Variants in KPNA6 observed in about 807,000 individuals in gnomAD.
The protein encoded by KPNA6 is importin subunit alpha-7.
KPNA6 carries 9 observed loss-of-function variants against 72.0 expected under a neutral mutation model. The ratio of observed to expected loss-of-function variants is 0.13; its 90% CI spans 0.08 to 0.22. KPNA6 has a LOEUF of 0.22. Among genes scored for constraint, KPNA6 ranks in the 10% least tolerant of loss-of-function variants. The pLI is 1.00. For missense variants in KPNA6, 374 were observed against 655.7 expected (o/e 0.57, Z 4.69); for synonymous variants, 219 against 242.1 (o/e 0.90, Z 0.89).
Position 32,172,743 on chromosome 1 carries a change from A to G in KPNA6, c.*1849A>G. 1 of 210,252 alleles carries G rather than the reference A, an allele frequency of 4.8e-6. No individual in the cohort carries two copies. The highest frequency in any genetic ancestry group is 9.4e-6 in the Non-Finnish European group (1 of 106,364). 13.0% of individuals were successfully genotyped at this position (210,252 alleles called of 1,614,324 possible). On this transcript the variant is annotated 3_prime_UTR_variant, in exon 14 of 14. Transcript: ENST00000373625. ...AGACCAGCTGTGGAGCTGAAGGCAC[A>G]GTCTGCCCCACCCCCACCTCCCCAC...
At chr1:32,170,171 A>G (rs1396586679) in intron 13 of KPNA6, 111 bp downstream of exon 13, 4 of 883,328 alleles carry the variant, frequency 4.5e-6, no homozygotes, top group Non-Finnish European at 6.9e-6. Context: ...CATAGCTTCC[A>G]TGAGACTGAT....
chr1:32,146,003 T>C (rs1481978408), intron 1 of KPNA6, among the ~76,000 whole-genome samples: 4 of 152,240 alleles, frequency 2.6e-5, no homozygotes, highest in Non-Finnish European at 5.9e-5. Flanking sequence ...CCAAAATTTA[T>C]TGAGACACTT....
chr1:32,116,687 G>A (rs1229036142), intron 1 of KPNA6, among the ~76,000 whole-genome samples: 1 of 152,070 alleles, frequency 6.6e-6, no homozygotes, highest in African/African-American at 2.4e-5. Flanking sequence ...TCACAGCTTT[G>A]CTAACTGGCG....
chr1:32,119,062 C>T (rs1641386998), intron 1 of KPNA6, among the ~76,000 whole-genome samples: 1 of 115,878 alleles, frequency 8.6e-6, no homozygotes, highest in Non-Finnish European at 1.7e-5. Context: ...GAGAGAGTCT[C>T]ACTTTGTCAC....
chr1:32,170,209 T>A, intron 13 of KPNA6, 149 bp downstream of exon 13: 1 of 671,270 alleles, frequency 1.5e-6, no homozygotes, highest in Non-Finnish European at 2.4e-6. Flanking sequence ...AGTTAAGAGC[T>A]CCTGCCCTAG....
chr1:32,119,824 A>C (rs1019136594), intron 1 of KPNA6, among the ~76,000 whole-genome samples: 7 of 150,840 alleles, frequency 4.6e-5, no homozygotes, highest in Non-Finnish European at 7.4e-5. Flanking sequence ...AGCTCACTAT[A>C]ACCTCCGCCT....
In KPNA6 at chr1:32,173,355, T is replaced by C; in HGVS notation, c.*2461T>C. On this transcript the variant is annotated 3_prime_UTR_variant, in exon 14 of 14. Coordinates refer to ENST00000373625, the MANE Select transcript of KPNA6 (RefSeq NM_012316.5). ...CTTGTCCAGCTGTTCCTCCAAAATCTACTTTGGCTTCAGCTCCGGGTCCTG... is the reference window on the plus strand; with the variant it reads ...CTTGTCCAGCTGTTCCTCCAAAATCCACTTTGGCTTCAGCTCCGGGTCCTG... 2.7e-6 allele frequency: 1 copy of C among 365,766 alleles called. No homozygotes were observed. Among genetic ancestry groups the C allele is most frequent in the East Asian group, 3.9e-5 (1 of 25,520 alleles). The allele number at this position is 365,766 out of a possible 1,614,324, so 22.7% of individuals were successfully genotyped here.
At chr1:32,131,500 G>GTAAA (rs1641634863) in intron 1 of KPNA6, among the ~76,000 whole-genome samples, 1 of 151,554 alleles carries the variant, frequency 6.6e-6, no homozygotes, top group Admixed American at 6.6e-5. Flanking sequence ...ATTTTTTAAA[G>GTAAA]TAAAAAAAGA....
rs775274575 is a variant in KPNA6, at chr1:32,166,249, T to C, written c.1116+19T>C. 59 of 1,607,152 alleles carry C rather than the reference T, an allele frequency of 3.7e-5. 1 individual carries two copies. The South Asian group carries it at 6.4e-4, about 17-fold the overall frequency. ...AATACAGGTAAAACAGGCAGGGAAG[T>C]CAAGGGGCATGGGAAGTCATAGGAA... On this transcript the variant is annotated intron_variant, in intron 11 of 13. Coordinates refer to ENST00000373625, the MANE Select transcript of KPNA6 (RefSeq NM_012316.5).
chr1:32,169,373 A>AG (rs1642394682), intron 12 of KPNA6, among the ~76,000 whole-genome samples: 1 of 151,906 alleles, frequency 6.6e-6, no homozygotes, highest in East Asian at 1.9e-4. Context: ...TCAAAAAAAA[A>AG]AAAAGGACTT....
chr1:32,144,060 A>G (rs1570036385), intron 1 of KPNA6, among the ~76,000 whole-genome samples: 1 of 152,218 alleles, frequency 6.6e-6, no homozygotes, highest in Non-Finnish European at 1.5e-5. Flanking sequence ...TTTCCTATAC[A>G]TACGTACCTA....
chr1:32,150,975 A>C (rs1642021933), intron 1 of KPNA6, among the ~76,000 whole-genome samples: 2 of 152,054 alleles, frequency 1.3e-5, no homozygotes, highest in Non-Finnish European at 2.9e-5. Flanking sequence ...AGGCTGGAGT[A>C]CAGCGGTGCA....
intron 1 of KPNA6, among the ~76,000 whole-genome samples, chr1:32,144,899 G>T (rs146094417): frequency 0.015 from 2,328 of 151,422 alleles, 53 homozygotes; most frequent in African/African-American, 0.054. Context: ...CCCCACCTCA[G>T]CCTCCCAAAG....
intron 6 of KPNA6, among the ~76,000 whole-genome samples, chr1:32,159,773 G>A (rs151170215): frequency 2.6e-4 from 39 of 152,226 alleles, no homozygotes; most frequent in African/African-American, 8.2e-4. Flanking sequence ...GAATTAAATC[G>A]TTGGACACAT....
At chr1:32,160,505 G>C in intron 6 of KPNA6, 110 bp from the exon 7 acceptor site, 1 of 778,978 alleles carries the variant, frequency 1.3e-6, no homozygotes, top group South Asian at 1.4e-5. Context: ...TATATTTGGG[G>C]CCTTGACATC....
intron 10 of KPNA6, 114 bp from the exon 11 acceptor site, chr1:32,165,991 C>CTT: frequency 8.3e-7 from 1 of 1,207,648 alleles, no homozygotes; most frequent in Non-Finnish European, 1.1e-6. Context: ...GAGCGAGACT[C>CTT]TGTCTCAAAA....
At chr1:32,130,873 C>T (rs778675313) in intron 1 of KPNA6, among the ~76,000 whole-genome samples, 1 of 151,948 alleles carries the variant, frequency 6.6e-6, no homozygotes, top group Non-Finnish European at 1.5e-5. Flanking sequence ...ATATATAATG[C>T]CTAAAAAGAA....
chr1:32,136,828 A>G (rs1641743224), intron 1 of KPNA6, among the ~76,000 whole-genome samples: 1 of 152,240 alleles, frequency 6.6e-6, no homozygotes, highest in Non-Finnish European at 1.5e-5. Flanking sequence ...AGATATGGTT[A>G]GAAGAGACAT....
At chr1:32,159,107 C>T (rs1238430655) in intron 5 of KPNA6, among the ~76,000 whole-genome samples, 1 of 152,168 alleles carries the variant, frequency 6.6e-6, no homozygotes, top group Non-Finnish European at 1.5e-5. Context: ...GCAAAGGATG[C>T]ATGGGTGTTG....
Sources: gnomAD v4.1 joint callset for allele counts (sites outside exome capture counted in the v4.1 genomes callset) on GRCh38, gnomAD v4.1.1 for gene constraint, MANE v1.5 for transcripts, NCBI Gene and HGNC (gene_info 2026-07-23, HGNC 2026-07-21) for gene names.